The following LSAMP variants were observed in gnomAD, a reference collection of about 807,000 sequenced individuals.
LSAMP encodes the protein limbic system-associated membrane protein.
In LSAMP, 7 loss-of-function variants were observed where a neutral mutation model predicts 38.6. That is an observed-to-expected ratio of 0.18 (90% CI 0.10 to 0.34). The LOEUF (loss-of-function observed/expected upper bound fraction) is 0.34, where lower values mean the gene tolerates loss of function less well. Ranked by LOEUF, LSAMP falls within the 10% of genes least tolerant of loss-of-function variation. LSAMP has a pLI of 1.00. For missense variants in LSAMP, 313 were observed against 420.0 expected, an observed-to-expected ratio of 0.75 and a Z score of 2.23; for synonymous variants, 154 against 166.8, an observed-to-expected ratio of 0.92 and a Z score of 0.59.
At chr3:116,441,364 C>T (rs1031015081) in intron 1 of LSAMP, among the ~76,000 whole-genome samples, 27 of 152,180 alleles carry the variant, frequency 1.8e-4, no homozygotes, top group Admixed American at 1.2e-3. Context: ...TGTGTATGTA[C>T]GTTTTACAAA....
rs1326026478 is a variant in LSAMP, at chr3:116,041,814, A to AC, written c.389-22175_389-22174insG. The stretch of plus-strand genomic sequence containing the variant: ...AAGCATGCAAAAAAAAACAAAACAA[A>AC]ACAAAAAAAAAACACCTTGATTTTA... On this transcript the variant is annotated intron_variant, in intron 2 of 6. Coordinates refer to ENST00000490035, the MANE Select transcript of LSAMP (RefSeq NM_002338.5). Among the ~76,000 whole-genome samples the AC allele has an allele frequency of 2.8e-4, 43 of 151,122 alleles. 1 individual carries two copies. The East Asian group carries it at 5.7e-3, about 20-fold the overall frequency.
rs143771574 is a variant in LSAMP, at chr3:116,314,734, C to A, written c.155+130143G>T. Reference sequence around the variant, plus strand: ...TGCTGTACTGCGTGCTTAGCTGGACCATTAGTGCTGCTATTTTTAGAGCTG... The same window carrying A: ...TGCTGTACTGCGTGCTTAGCTGGACAATTAGTGCTGCTATTTTTAGAGCTG... On this transcript the variant is annotated intron_variant, in intron 1 of 6. Transcript: ENST00000490035. 7.5e-4 allele frequency among the ~76,000 whole-genome samples: 114 copies of A among 152,226 alleles called. 1 individual carries two copies. Among genetic ancestry groups the A allele is most frequent in the Non-Finnish European group, 1.3e-3 (88 of 68,026 alleles).
At chr3:115,866,673 C>G (rs1299532536) in intron 3 of LSAMP, among the ~76,000 whole-genome samples, 2 of 151,956 alleles carry the variant, frequency 1.3e-5, no homozygotes, top group East Asian at 3.9e-4. Flanking sequence ...CTCTCTTACC[C>G]CACACTCAAG....
intron 1 of LSAMP, among the ~76,000 whole-genome samples, chr3:116,435,222 G>A (rs955651221): frequency 6.6e-6 from 1 of 152,104 alleles, no homozygotes; most frequent in Non-Finnish European, 1.5e-5. Flanking sequence ...TCTAAAAACT[G>A]GGACCCTCTC....
chr3:116,325,552 G>GAAA (rs2047758856), intron 1 of LSAMP, among the ~76,000 whole-genome samples: 2 of 152,236 alleles, frequency 1.3e-5, no homozygotes, highest in Non-Finnish European at 2.9e-5. Context: ...TCCACTGGAG[G>GAAA]TAGAACTTCC....
In LSAMP at chr3:116,061,653, C is replaced by A. The variant is rs185112096; in HGVS notation, c.388+24671G>T. The stretch of plus-strand genomic sequence containing the variant: ...TTCCTTTTCTCCATAGCACTATCAC[C>A]TATCACCATCAGATATATTGTGGAT... On this transcript the variant is annotated intron_variant, in intron 2 of 6. Coordinates refer to ENST00000490035, the MANE Select transcript of LSAMP (RefSeq NM_002338.5). 3.7e-3 allele frequency among the ~76,000 whole-genome samples: 564 copies of A among 152,342 alleles called. 5 individuals carry two copies. The highest frequency in any genetic ancestry group is 0.013 in the African/African-American group (528 of 41,582).
chr3:116,346,354 A>G (rs1390649815), intron 1 of LSAMP, among the ~76,000 whole-genome samples: 3 of 145,944 alleles, frequency 2.1e-5, no homozygotes, highest in Admixed American at 7.1e-5. Context: ...TTTGTGACAG[A>G]GTCTCATTCT....
Position 116,185,030 on chromosome 3 carries a change from C to CTTT in LSAMP, c.156-98477_156-98475dup, listed in dbSNP as rs368314567. 6.6e-3 allele frequency among the ~76,000 whole-genome samples: 781 copies of CTTT among 117,728 alleles called. 10 individuals are homozygous for CTTT. Among genetic ancestry groups the CTTT allele is most frequent in the African/African-American group, 0.024 (744 of 31,450 alleles). 77.2% of individuals were successfully genotyped at this position (117,728 alleles called of 152,430 possible). On this transcript the variant is annotated intron_variant, in intron 1 of 6. Transcript: ENST00000490035. ...AGATTTTTTCTTTCTTTCTTTCTTT[C>CTTT]TTTTTTTTTTTTTTTCAGTTCTCAC...
At chr3:116,366,974 G>T (rs1186903934) in intron 1 of LSAMP, among the ~76,000 whole-genome samples, 1 of 152,078 alleles carries the variant, frequency 6.6e-6, no homozygotes, top group East Asian at 1.9e-4. Context: ...CAGACTTTAG[G>T]AGTAAGACAG....
chr3:115,913,738 G>T (rs1250817685), intron 3 of LSAMP, among the ~76,000 whole-genome samples: 1 of 152,072 alleles, frequency 6.6e-6, no homozygotes, highest in Non-Finnish European at 1.5e-5. Context: ...CAGTTTTGTG[G>T]GCTCTGTGAC....
At chr3:115,867,599 G>T (rs1177724522) in intron 3 of LSAMP, among the ~76,000 whole-genome samples, 1 of 152,026 alleles carries the variant, frequency 6.6e-6, no homozygotes, top group Non-Finnish European at 1.5e-5. Flanking sequence ...GAAAGTAATA[G>T]GGTGGGACAC....
intron 1 of LSAMP, among the ~76,000 whole-genome samples, chr3:116,367,072 A>G (rs2048364441): frequency 6.6e-6 from 1 of 152,208 alleles, no homozygotes; most frequent in African/African-American, 2.4e-5. Flanking sequence ...ACTTGACCAA[A>G]CAGATTAACA....
intron 1 of LSAMP, among the ~76,000 whole-genome samples, chr3:116,315,504 A>G (rs2047616846): frequency 6.6e-6 from 1 of 152,196 alleles, no homozygotes; most frequent in Non-Finnish European, 1.5e-5. Context: ...AGTATCCCCT[A>G]TCTGACAAAG....
intron 1 of LSAMP, among the ~76,000 whole-genome samples, chr3:116,375,494 C>A (rs1033641822): frequency 1.3e-5 from 2 of 151,516 alleles, no homozygotes; most frequent in Non-Finnish European, 3.0e-5. Flanking sequence ...TGCTAAACAC[C>A]ACTAACATTT....
intron 1 of LSAMP, among the ~76,000 whole-genome samples, chr3:116,213,163 G>C (rs1030232414): frequency 2.0e-5 from 3 of 152,106 alleles, no homozygotes; most frequent in African/African-American, 7.2e-5. Context: ...ATACCCTACT[G>C]TTTTCCATAG....
rs1933613931 is a variant in LSAMP, at chr3:115,805,675, T to C, written c.*4642A>G. Reference sequence around the variant, plus strand: ...TCCTTGCCAAGAGAAAAGTGAGATGTACATGCTGGGTGAAAACAAATTCTT... The same window carrying C: ...TCCTTGCCAAGAGAAAAGTGAGATGCACATGCTGGGTGAAAACAAATTCTT... On this transcript the variant is annotated 3_prime_UTR_variant, in exon 7 of 7. Coordinates refer to ENST00000490035, the MANE Select transcript of LSAMP (RefSeq NM_002338.5). 1 of 152,210 alleles carries C rather than the reference T, an allele frequency of 6.6e-6. No homozygotes were observed. Among genetic ancestry groups the C allele is most frequent in the Admixed American group, 6.5e-5 (1 of 15,276 alleles). 9.4% of individuals were successfully genotyped at this position (152,210 alleles called of 1,614,324 possible). A position where few individuals can be genotyped will look rare whatever the true frequency, so the allele number is the denominator to read the frequency against.
chr3:115,863,588 A>G (rs1181898991), intron 3 of LSAMP, among the ~76,000 whole-genome samples: 3 of 151,552 alleles, frequency 2.0e-5, no homozygotes, highest in Non-Finnish European at 2.9e-5. Flanking sequence ...TATATATTGT[A>G]TATATATATA....
intron 3 of LSAMP, among the ~76,000 whole-genome samples, chr3:115,895,812 G>GA (rs1263387363): frequency 6.6e-6 from 1 of 152,020 alleles, no homozygotes; most frequent in Non-Finnish European, 1.5e-5. Flanking sequence ...CATAATTGTT[G>GA]AGGGGTTACC....
chr3:116,213,210 G>C (rs1412124261), intron 1 of LSAMP, among the ~76,000 whole-genome samples: 1 of 152,130 alleles, frequency 6.6e-6, no homozygotes, highest in African/African-American at 2.4e-5. Context: ...TGGTTTGGTT[G>C]TGTCCCCACC....
Sources: allele counts gnomAD v4.1 joint callset (sites outside exome capture counted in the v4.1 genomes callset), GRCh38; gene constraint gnomAD v4.1.1; transcripts MANE v1.5; gene names NCBI Gene and HGNC (gene_info 2026-07-23, HGNC 2026-07-21).